Variants in ALMS1 observed in about 807,000 individuals in gnomAD.
ALMS1 encodes the protein ALMS1 centrosome and basal body associated protein, also known as centrosome-associated protein ALMS1.
ALMS1 carries 271 observed loss-of-function variants against 352.2 expected under a neutral mutation model. The observed-to-expected ratio is 0.77, with a 90% CI of 0.70 to 0.85. The LOEUF (loss-of-function observed/expected upper bound fraction) is 0.85. Among genes scored for constraint, ALMS1 ranks in the 40% least tolerant of loss-of-function variants. The probability of loss-of-function intolerance (pLI) is 0.00; values close to 1 mark genes in which losing one functional copy is unlikely to be tolerated. For missense variants in ALMS1, 5,445 were observed against 4,870.7 expected (o/e 1.12, Z -3.51); for synonymous variants, 1,865 against 1,761.2 (o/e 1.06, Z -1.48).
chr2:73,455,363 A>G (rs1026481001), intron 9 of ALMS1, 68 bp downstream of exon 9: 43 of 1,593,826 alleles, frequency 2.7e-5, no homozygotes, highest in Non-Finnish European at 3.5e-5. Context: ...AGGATCTCTT[A>G]CTTGGGCATC....
intron 7 of ALMS1, among the ~76,000 whole-genome samples, chr2:73,435,888 G>A (rs74627705): frequency 0.017 from 2,514 of 152,260 alleles, 69 homozygotes; most frequent in African/African-American, 0.057. Flanking sequence ...CACCATGCCA[G>A]CCTGCTTTAT....
intron 2 of ALMS1, among the ~76,000 whole-genome samples, chr2:73,412,977 GTTTTTTCT>G (rs1299286426): frequency 1.3e-5 from 2 of 151,190 alleles, no homozygotes; most frequent in East Asian, 1.9e-4. Context: ...GGTATCATCA[GTTTTTTCT>G]TTTTTTCTTT....
intron 2 of ALMS1, among the ~76,000 whole-genome samples, chr2:73,412,131 G>T (rs967278667): frequency 3.3e-5 from 5 of 152,190 alleles, no homozygotes; most frequent in Non-Finnish European, 7.3e-5. Context: ...TGTACAGTTT[G>T]TCAAGTGAGC....
chr2:73,385,817 C>CCTCCCTCCCCCCCTCCT, upstream of ALMS1: 3 of 682,978 alleles, frequency 4.4e-6, no homozygotes, highest in East Asian at 8.2e-5. Flanking sequence ...CTCCCCTTCC[C>CCTCCCTCCCCCCCTCCT]CTCCCTCCCC....
intron 1 of ALMS1, among the ~76,000 whole-genome samples, chr2:73,388,857 C>G (rs1670589444): frequency 6.6e-6 from 1 of 151,812 alleles, no homozygotes; most frequent in African/African-American, 2.4e-5. Flanking sequence ...AAGTGATACT[C>G]CGCCTTGGCT....
chr2:73,397,204 C>A (rs1670781635), intron 1 of ALMS1, among the ~76,000 whole-genome samples: 2 of 152,134 alleles, frequency 1.3e-5, no homozygotes. Context: ...TTGTCAATTA[C>A]ACTAGATTTT....
intron 10 of ALMS1, among the ~76,000 whole-genome samples, chr2:73,514,574 T>C (rs1673518390): frequency 6.6e-6 from 1 of 152,156 alleles, no homozygotes; most frequent in Non-Finnish European, 1.5e-5. Flanking sequence ...ATAAGAAATA[T>C]AAAGCAACGT....
At chr2:73,523,743 G>C (rs1022183638) in intron 11 of ALMS1, among the ~76,000 whole-genome samples, 1 of 151,930 alleles carries the variant, frequency 6.6e-6, no homozygotes, top group South Asian at 2.1e-4. Flanking sequence ...CTCCAGCCTG[G>C]GCGACAGAGT....
Position 73,489,610 on chromosome 2 carries a change from A to T in ALMS1, c.7675-24A>T, listed in dbSNP as rs1572968673. 3 of 1,613,872 alleles carry T rather than the reference A, an allele frequency of 1.9e-6. No homozygotes were observed. The East Asian group carries it at 6.7e-5, about 36-fold the overall frequency. Reference sequence around the variant, plus strand: ...AACTACTTGGACTACTTCAAATAAGAACCTGTTTGTTTGTATCTTCTAGGG... The same window carrying T: ...AACTACTTGGACTACTTCAAATAAGTACCTGTTTGTTTGTATCTTCTAGGG... On this transcript the variant is annotated intron_variant, in intron 9 of 22. Coordinates refer to ENST00000613296, the MANE Select transcript of ALMS1 (RefSeq NM_001378454.1).
intron 16 of ALMS1, among the ~76,000 whole-genome samples, chr2:73,584,945 A>G (rs746924600): frequency 2.9e-4 from 44 of 152,306 alleles, no homozygotes; most frequent in South Asian, 2.1e-3. Context: ...CATTGCTGCA[A>G]ATGCCATTAT....
At chr2:73,387,043 G>C (rs1054115964) in intron 1 of ALMS1, among the ~76,000 whole-genome samples, 4 of 152,194 alleles carry the variant, frequency 2.6e-5, no homozygotes, top group African/African-American at 7.2e-5. Context: ...GTTCTTACCG[G>C]TTTTCAAGTG....
chr2:73,534,255 C>T (rs934729589), intron 11 of ALMS1, among the ~76,000 whole-genome samples: 27 of 151,908 alleles, frequency 1.8e-4, no homozygotes, highest in East Asian at 1.9e-4. Context: ...GTAATTTTTA[C>T]GTTTATATAT....
At chr2:73,446,667 GA>G (rs1671816576) in intron 7 of ALMS1, among the ~76,000 whole-genome samples, 1 of 152,132 alleles carries the variant, frequency 6.6e-6, no homozygotes, top group Non-Finnish European at 1.5e-5. Flanking sequence ...AAAGAGCTCA[GA>G]ACTTGGATTT....
intron 10 of ALMS1, among the ~76,000 whole-genome samples, chr2:73,496,732 C>T (rs1228557574): frequency 6.6e-6 from 1 of 152,158 alleles, no homozygotes; most frequent in African/African-American, 2.4e-5. Flanking sequence ...ACTCCACATC[C>T]TCACCGATGT....
At position 73,515,036 on chromosome 2, in the gene ALMS1, A is replaced by C. The variant is rs557514849; in HGVS notation, c.9540-4739A>C. 1.4e-4 allele frequency among the ~76,000 whole-genome samples: 21 copies of C among 152,060 alleles called. No individual in the cohort carries two copies. The Middle Eastern group carries it at 0.01, about 74-fold the overall frequency. On this transcript the variant is annotated intron_variant, in intron 10 of 22. Coordinates refer to ENST00000613296, the MANE Select transcript of ALMS1 (RefSeq NM_001378454.1). ...ATTAACTCATAAATATTGTTTCTGC[A>C]CTCTTCCCTCTTCTCCTAGGAGTAA...
Position 73,450,931 on chromosome 2 carries a change from A to AC in ALMS1, c.4406dup (p.Thr1470AsnfsTer28). The AC allele has an allele frequency of 6.2e-7, 1 of 1,614,056 alleles. No homozygotes were observed. Among genetic ancestry groups the AC allele is most frequent in the Non-Finnish European group, 8.5e-7 (1 of 1,179,954 alleles). ...GACCAGTTGACCAGACGATTGGCACACCAACTGTAACCTCCCCTTCCAGCT... is the reference window on the plus strand; with the variant it reads ...GACCAGTTGACCAGACGATTGGCACACCCAACTGTAACCTCCCCTTCCAGCT... On this transcript the variant is annotated frameshift_variant, in exon 8 of 23. Coordinates refer to ENST00000613296, the MANE Select transcript of ALMS1 (RefSeq NM_001378454.1). LOFTEE classifies it high-confidence loss of function.
intron 9 of ALMS1, among the ~76,000 whole-genome samples, chr2:73,471,581 A>T (rs141261979): frequency 0.022 from 3,336 of 151,872 alleles, 123 homozygotes; most frequent in Admixed American, 0.088. Context: ...TTCTTAAGAC[A>T]TACAAATGTG....
intron 12 of ALMS1, among the ~76,000 whole-genome samples, chr2:73,549,715 A>G (rs1362624892): frequency 6.6e-6 from 1 of 152,044 alleles, no homozygotes; most frequent in East Asian, 1.9e-4. Context: ...CTGATTCTCC[A>G]TTTTACATCT....
At position 73,455,784 on chromosome 2, in the gene ALMS1, C is replaced by G. The variant is rs1006730447; in HGVS notation, c.7674+489C>G. On this transcript the variant is annotated intron_variant, in intron 9 of 22. Transcript: ENST00000613296. ...ATGTTGTTTTTATTGATTCCAAATT[C>G]ATATTTTGAAAAATTTATCTTCTTA... Among the ~76,000 whole-genome samples the G allele has an allele frequency of 2.6e-5, 4 of 152,196 alleles. No individual in the cohort carries two copies. In the East Asian group the frequency reaches 7.7e-4, roughly 29 times the overall value.
Sources: allele counts gnomAD v4.1 joint callset (sites outside exome capture counted in the v4.1 genomes callset), GRCh38; gene constraint gnomAD v4.1.1; transcripts MANE v1.5; gene names NCBI Gene and HGNC (gene_info 2026-07-23, HGNC 2026-07-21).